The following ZBTB38 variants were observed in gnomAD, a reference collection of about 807,000 sequenced individuals.
ZBTB38 encodes the protein zinc finger and BTB domain containing 38.
A neutral mutation model predicts 76.8 loss-of-function variants in ZBTB38; 20 were observed. The observed-to-expected ratio is 0.26, with a 90% CI of 0.18 to 0.38. The LOEUF (loss-of-function observed/expected upper bound fraction) is 0.38, where lower values mean the gene tolerates loss of function less well. Among genes scored for constraint, ZBTB38 ranks in the 10% least tolerant of loss-of-function variants. The pLI, the probability that ZBTB38 is intolerant of heterozygous loss-of-function variation, is 1.00. For missense variants in ZBTB38, 1,082 were observed against 1,482.3 expected (o/e 0.73, Z 4.43); for synonymous variants, 504 against 544.2 (o/e 0.93, Z 1.03).
chr3:141,417,206 A>G (rs1056770726), intron 5 of ZBTB38, among the ~76,000 whole-genome samples: 6 of 152,070 alleles, frequency 3.9e-5, no homozygotes, highest in South Asian at 2.1e-4. Flanking sequence ...TTTTCATCCA[A>G]TTTACTTCAA....
Position 141,443,743 on chromosome 3 carries a change from A to G in ZBTB38, c.1355A>G (p.Lys452Arg). The change falls in exon 6 of 6, where the codon AAA (lysine) becomes AGA (arginine). Residue 452 changes from lysine to arginine, a missense_variant. Lys to Arg is a conservative substitution (Grantham distance 26). Around this residue, in one of 8 missense-constraint regions of ZBTB38, gnomAD observed 324 missense variants for 359.1 expected, o/e 0.90. Transcript: ENST00000321464. This position sits in a 1 kb window ranked among gnomAD's most constrained non-coding sequence, Gnocchi z 5.6. ...TTGCCAGACACGGACCACATGGTTA[A>G]ATTTGTTAATGGGCAAATGCTCTAC... ...STLPDTDHMV[K>R]FVNGQMLYSC... The G allele has an allele frequency of 6.2e-7, 1 of 1,613,950 alleles. No individual in the cohort carries two copies. The highest frequency in any genetic ancestry group is 8.5e-7 in the Non-Finnish European group (1 of 1,180,044).
intron 1 of ZBTB38, among the ~76,000 whole-genome samples, chr3:141,359,351 A>G (rs1183875921): frequency 6.6e-6 from 1 of 152,204 alleles, no homozygotes; most frequent in Non-Finnish European, 1.5e-5. Flanking sequence ...ACTTCCCTTC[A>G]TGTGCCATTG....
chr3:141,407,590 T>G (rs1431654691), intron 5 of ZBTB38, among the ~76,000 whole-genome samples: 1 of 152,244 alleles, frequency 6.6e-6, no homozygotes, highest in Non-Finnish European at 1.5e-5. Flanking sequence ...CTATTACCAC[T>G]GATTTATTCT....
At chr3:141,361,610 C>A (rs1194289383) in intron 1 of ZBTB38, among the ~76,000 whole-genome samples, 2 of 152,138 alleles carry the variant, frequency 1.3e-5, no homozygotes. Flanking sequence ...TAGAAAACCC[C>A]ACAACAAGTT....
intron 1 of ZBTB38, among the ~76,000 whole-genome samples, chr3:141,356,444 A>G (rs1943666566): frequency 6.6e-6 from 1 of 152,166 alleles, no homozygotes. Flanking sequence ...TAGGAAAGAC[A>G]GTAGGGTAAG....
chr3:141,402,507 CCT>C (rs1952490524), intron 4 of ZBTB38: 1 of 148,984 alleles, frequency 6.7e-6, no homozygotes, highest in African/African-American at 2.5e-5. Flanking sequence ...CGAGGCGCGG[CCT>C]GCGGGCGCGG....
At chr3:141,379,115 G>A (rs1015265848) in intron 2 of ZBTB38, among the ~76,000 whole-genome samples, 2 of 152,188 alleles carry the variant, frequency 1.3e-5, no homozygotes, top group Non-Finnish European at 2.9e-5. Flanking sequence ...TACAGAGTGA[G>A]ATGGCTGCCT....
intron 5 of ZBTB38, chr3:141,432,265 G>A (rs964240151): frequency 3.2e-5 from 32 of 985,270 alleles, no homozygotes; most frequent in Non-Finnish European, 3.7e-5. Flanking sequence ...AATACAGTGC[G>A]TTCTTTTTTT....
intron 4 of ZBTB38, among the ~76,000 whole-genome samples, chr3:141,395,831 A>C (rs1378413580): frequency 6.6e-6 from 1 of 152,240 alleles, no homozygotes; most frequent in South Asian, 2.1e-4. Flanking sequence ...TTCCCGGTGC[A>C]TATAAAAGTT....
chr3:141,401,936 T>A (rs979446293), intron 4 of ZBTB38, among the ~76,000 whole-genome samples: 1 of 152,198 alleles, frequency 6.6e-6, no homozygotes. Context: ...TCCTGAGAAT[T>A]TGATGCAATT....
chr3:141,360,187 C>T (rs1242052274), intron 1 of ZBTB38, among the ~76,000 whole-genome samples: 1 of 152,228 alleles, frequency 6.6e-6, no homozygotes, highest in African/African-American at 2.4e-5. Flanking sequence ...GCATTAAACA[C>T]ATGCACCACA....
chr3:141,344,734 C>G (rs557401705), intron 1 of ZBTB38, among the ~76,000 whole-genome samples: 2 of 152,210 alleles, frequency 1.3e-5, no homozygotes, highest in Non-Finnish European at 2.9e-5. Flanking sequence ...TCATGTCTCT[C>G]TCTCACTAAC....
In ZBTB38 at chr3:141,444,181, C is replaced by T; in HGVS notation, c.1793C>T (p.Ser598Phe). The change falls in exon 6 of 6, where the codon TCT (serine) becomes TTT (phenylalanine). Residue 598 changes from serine (S) to phenylalanine (F), a missense_variant. Physicochemically the swap from Ser to Phe is radical, Grantham distance 155 (BLOSUM62 -2). Transcript: ENST00000321464. This position sits in a 1 kb window ranked among gnomAD's most constrained non-coding sequence, Gnocchi z 5.1. ...NARENSQMNE[S>F]APGTYVVQNP... ...CGAGAAAACAGTCAAATGAATGAGTCTGCACCTGGTACCTATGTTGTTCAG... is the reference window on the plus strand; with the variant it reads ...CGAGAAAACAGTCAAATGAATGAGTTTGCACCTGGTACCTATGTTGTTCAG... 1 of 1,614,202 alleles carries T rather than the reference C, an allele frequency of 6.2e-7. No individual in the cohort carries two copies. The highest frequency in any genetic ancestry group is 8.5e-7 in the Non-Finnish European group (1 of 1,180,036).
intron 1 of ZBTB38, among the ~76,000 whole-genome samples, chr3:141,369,534 G>A (rs574527484): frequency 6.6e-6 from 1 of 152,280 alleles, no homozygotes; most frequent in East Asian, 1.9e-4. Flanking sequence ...AAGTTCCCAA[G>A]AGAAAAGTTT....
chr3:141,386,987 A>G (rs1276311317), intron 4 of ZBTB38, 50 bp downstream of exon 4: 1 of 152,740 alleles, frequency 6.5e-6, no homozygotes, highest in Non-Finnish European at 1.5e-5. Flanking sequence ...TGCTGCATGC[A>G]GTGCGTATCT....
chr3:141,374,914 T>C (rs1945146303), intron 2 of ZBTB38, among the ~76,000 whole-genome samples: 1 of 152,206 alleles, frequency 6.6e-6, no homozygotes, highest in African/African-American at 2.4e-5. Flanking sequence ...TGGTCTTTTT[T>C]AGTTTCTCAC....
chr3:141,418,681 ACT>A (rs1291075532), intron 5 of ZBTB38, among the ~76,000 whole-genome samples: 2 of 152,200 alleles, frequency 1.3e-5, no homozygotes, highest in African/African-American at 4.8e-5. Flanking sequence ...AGAAAACAAA[ACT>A]CTGCTTGATT....
chr3:141,442,905 A>G lies in ZBTB38; in HGVS notation c.517A>G (p.Thr173Ala), dbSNP rs754884596. Reference sequence around the variant, plus strand: ...CACAAATGCATTTTCCATCATCGAAACAGAAAATAGTAATAACATGTTTTC... The same window carrying G: ...CACAAATGCATTTTCCATCATCGAAGCAGAAAATAGTAATAACATGTTTTC... ...RITNAFSIIE[T>A]ENSNNMFSPL... The change falls in exon 6 of 6, where the codon ACA becomes GCA. Residue 173 changes from threonine (T) to alanine (A), a missense_variant. Transcript: ENST00000321464. The surrounding 1 kb of genome is among the most constrained non-coding windows in gnomAD (Gnocchi z 6.4). 2.5e-6 allele frequency: 4 copies of G among 1,614,250 alleles called. No individual in the cohort carries two copies. The highest frequency in any genetic ancestry group is 3.4e-6 in the Non-Finnish European group (4 of 1,180,040).
intron 1 of ZBTB38, among the ~76,000 whole-genome samples, chr3:141,328,851 A>G (rs1036028733): frequency 6.6e-6 from 1 of 151,800 alleles, no homozygotes; most frequent in African/African-American, 2.4e-5. Context: ...CCACCAAACT[A>G]CTGGGGATTC....
Sources: gnomAD v4.1 joint callset for allele counts (sites outside exome capture counted in the v4.1 genomes callset) on GRCh38, gnomAD v4.1.1 for gene constraint, gnomAD v4.1.1 regional missense constraint, Gnocchi (gnomAD v3.1) non-coding constraint, MANE v1.5 for transcripts, NCBI Gene and HGNC (gene_info 2026-07-23, HGNC 2026-07-21) for gene names.